The following SLC9A9 variants were observed in gnomAD, a reference collection of about 807,000 sequenced individuals.
SLC9A9 encodes solute carrier family 9 member A9.
Under a neutral mutation model 77.8 loss-of-function variants are expected in SLC9A9, and 62 were observed. That is an observed-to-expected ratio of 0.80 (90% CI 0.65 to 0.98). The LOEUF (loss-of-function observed/expected upper bound fraction) is 0.98, where lower values mean the gene tolerates loss of function less well. Ranked by LOEUF, SLC9A9 falls within the 50% of genes least tolerant of loss-of-function variation. The pLI, the probability that SLC9A9 is intolerant of heterozygous loss-of-function variation, is 0.00. For missense variants in SLC9A9, 775 were observed against 774.9 expected (o/e 1.00, Z 0.00); for synonymous variants, 320 against 283.5 (o/e 1.13, Z -1.29).
At position 143,512,695 on chromosome 3, in the gene SLC9A9, G is replaced by A. The variant is rs148251930; in HGVS notation, c.1090-17247C>T. Among the ~76,000 whole-genome samples, 428 of 152,284 alleles carry A rather than the reference G, an allele frequency of 2.8e-3. 3 individuals carry two copies. The highest frequency in any genetic ancestry group is 0.01 in the African/African-American group (416 of 41,568). ...GTTCAAGACCAGCCTGACCAAGATG[G>A]TGAAACCCCATCTCTACTAAAAATA... On this transcript the variant is annotated intron_variant, in intron 9 of 15. Transcript: ENST00000316549.
chr3:143,459,185 G>A (rs1001822572), intron 12 of SLC9A9, among the ~76,000 whole-genome samples: 17 of 151,450 alleles, frequency 1.1e-4, no homozygotes, highest in Admixed American at 4.6e-4. Context: ...GGTTACAATA[G>A]CTGCTTTAAA....
intron 14 of SLC9A9, among the ~76,000 whole-genome samples, chr3:143,316,413 AC>A (rs1233723572): frequency 6.6e-6 from 1 of 152,136 alleles, no homozygotes; most frequent in Non-Finnish European, 1.5e-5. Flanking sequence ...GCTGAGAGGG[AC>A]TGGATGGGAA....
intron 12 of SLC9A9, among the ~76,000 whole-genome samples, chr3:143,387,879 C>T (rs1180146345): frequency 2.6e-5 from 4 of 152,022 alleles, no homozygotes; most frequent in African/African-American, 9.7e-5. Flanking sequence ...CAACAACTTC[C>T]ATTCTGATTC....
intron 14 of SLC9A9, among the ~76,000 whole-genome samples, chr3:143,329,715 T>A (rs1213476941): frequency 6.6e-6 from 1 of 152,114 alleles, no homozygotes; most frequent in Non-Finnish European, 1.5e-5. Context: ...CAGCAGTTCC[T>A]CCTTTTGGAG....
chr3:143,471,064 G>A (rs2035370133), intron 11 of SLC9A9, among the ~76,000 whole-genome samples: 1 of 152,176 alleles, frequency 6.6e-6, no homozygotes, highest in Admixed American at 6.5e-5. Context: ...TTGAAAAGAG[G>A]ATGCCTTCTC....
chr3:143,580,064 G>A (rs2037427242), intron 6 of SLC9A9, among the ~76,000 whole-genome samples: 1 of 152,182 alleles, frequency 6.6e-6, no homozygotes, highest in African/African-American at 2.4e-5. Flanking sequence ...TGCCTTTGAA[G>A]TGTTTTTCTT....
intron 9 of SLC9A9, among the ~76,000 whole-genome samples, chr3:143,536,512 A>G (rs904515522): frequency 2.0e-5 from 3 of 152,236 alleles, no homozygotes; most frequent in African/African-American, 7.2e-5. Flanking sequence ...AATGTAGCCT[A>G]ACAGTTTTAC....
At chr3:143,846,587 C>T (rs1294065139) in intron 1 of SLC9A9, among the ~76,000 whole-genome samples, 1 of 151,926 alleles carries the variant, frequency 6.6e-6, no homozygotes, top group Non-Finnish European at 1.5e-5. Flanking sequence ...GGAATGGTGG[C>T]TCATGCCCGT....
chr3:143,326,038 T>A (rs1209581468), intron 14 of SLC9A9, among the ~76,000 whole-genome samples: 1 of 152,238 alleles, frequency 6.6e-6, no homozygotes, highest in Admixed American at 6.5e-5. Flanking sequence ...ACTTTATGTA[T>A]TCATTTGTAT....
rs951144881 is a variant in SLC9A9 at position 143,266,444 on chromosome 3, C to T, written c.*258G>A. ...TCCTCCAGCAGCTAGACTCCTGATA[C>T]CTCCATCCCCACCCCAGCCAATCCA... On this transcript the variant is annotated 3_prime_UTR_variant, in exon 16 of 16. Coordinates refer to ENST00000316549, the MANE Select transcript of SLC9A9 (RefSeq NM_173653.4). 5.3e-6 allele frequency: 3 copies of T among 563,006 alleles called. No homozygotes were observed. Among genetic ancestry groups the T allele is most frequent in the African/African-American group, 1.9e-5 (1 of 53,250 alleles). 34.9% of individuals were successfully genotyped at this position (563,006 alleles called of 1,614,324 possible).
intron 4 of SLC9A9, among the ~76,000 whole-genome samples, chr3:143,778,880 G>A (rs779850989): frequency 5.9e-5 from 9 of 152,198 alleles, no homozygotes; most frequent in Non-Finnish European, 8.8e-5. Context: ...GTGAGTTAAT[G>A]CTGGTTGACT....
At chr3:143,392,116 C>A (rs866619786) in intron 12 of SLC9A9, among the ~76,000 whole-genome samples, 1 of 152,090 alleles carries the variant, frequency 6.6e-6, no homozygotes, top group Non-Finnish European at 1.5e-5. Flanking sequence ...CAAACATACT[C>A]CTTGAGAAGA....
intron 14 of SLC9A9, among the ~76,000 whole-genome samples, chr3:143,270,965 G>A (rs1937880036): frequency 6.6e-6 from 1 of 152,178 alleles, no homozygotes; most frequent in Admixed American, 6.5e-5. Flanking sequence ...TAATTCACAA[G>A]TTTTAAATCG....
At chr3:143,647,516 G>A (rs548206823) in intron 6 of SLC9A9, among the ~76,000 whole-genome samples, 3 of 152,280 alleles carry the variant, frequency 2.0e-5, no homozygotes, top group African/African-American at 7.2e-5. Flanking sequence ...CTGCATAGAA[G>A]AGTATAAAAT....
chr3:143,558,269 T>C (rs1223727328), intron 8 of SLC9A9, among the ~76,000 whole-genome samples: 1 of 151,850 alleles, frequency 6.6e-6, no homozygotes, highest in African/African-American at 2.4e-5. Flanking sequence ...TCTGCTAGGG[T>C]AGTATGGAAG....
chr3:143,532,675 G>A (rs1408738333), intron 9 of SLC9A9, among the ~76,000 whole-genome samples: 5 of 152,122 alleles, frequency 3.3e-5, no homozygotes, highest in South Asian at 2.1e-4. Context: ...GTTTTCAAAC[G>A]GTAAAATGTA....
chr3:143,650,167 G>T (rs925149760), intron 6 of SLC9A9, among the ~76,000 whole-genome samples: 2 of 152,162 alleles, frequency 1.3e-5, no homozygotes, highest in African/African-American at 4.8e-5. Flanking sequence ...AGAGAGTTGT[G>T]TCAGGGTGCT....
rs184842128 is a variant in SLC9A9 at position 143,714,126 on chromosome 3, T to C, written c.534-20819A>G. 2.4e-4 allele frequency among the ~76,000 whole-genome samples: 36 copies of C among 152,290 alleles called. 1 individual carries two copies. In the East Asian group the frequency reaches 5.2e-3, roughly 22 times the overall value. ...TAGAAGGTGGCATTTGCAAAACTCATTTAACTCCTCCGAATTGGGACACAA... is the reference window on the plus strand; with the variant it reads ...TAGAAGGTGGCATTTGCAAAACTCACTTAACTCCTCCGAATTGGGACACAA... On this transcript the variant is annotated intron_variant, in intron 4 of 15. Coordinates refer to ENST00000316549, the MANE Select transcript of SLC9A9 (RefSeq NM_173653.4).
intron 12 of SLC9A9, among the ~76,000 whole-genome samples, chr3:143,385,773 T>A (rs115730207): frequency 0.032 from 4,921 of 152,256 alleles, 283 homozygotes; most frequent in African/African-American, 0.11. Context: ...CCTCCTTAGG[T>A]GACATCCAAG....
Sources: allele counts gnomAD v4.1 joint callset (sites outside exome capture counted in the v4.1 genomes callset), GRCh38; gene constraint gnomAD v4.1.1; transcripts MANE v1.5; gene names NCBI Gene and HGNC (gene_info 2026-07-23, HGNC 2026-07-21).